EIF3A: variants seen among roughly 807,000 people sequenced by gnomAD.
EIF3A encodes the protein EIF3, p180 subunit.
EIF3A carries 21 observed loss-of-function variants against 186.6 expected under a neutral mutation model. The observed-to-expected ratio is 0.11, with a 90% CI of 0.08 to 0.16. EIF3A has a LOEUF of 0.16. EIF3A is among the 10% of genes least tolerant of loss of function. The pLI is 1.00. For missense variants in EIF3A, 1,306 were observed against 1,796.3 expected, an observed-to-expected ratio of 0.73 and a Z score of 4.93; for synonymous variants, 563 against 584.3, an observed-to-expected ratio of 0.96 and a Z score of 0.52.
chr10:119,073,374 A>G, intron 3 of EIF3A, 67 bp downstream of exon 3: 2 of 1,183,938 alleles, frequency 1.7e-6, no homozygotes, highest in Non-Finnish European at 2.4e-6. Context: ...AAAGGAAATG[A>G]AGACCCATGT....
intron 19 of EIF3A, among the ~76,000 whole-genome samples, chr10:119,041,153 G>GGGAGACAGAGCAAGACTCCAC (rs1214705104): frequency 2.3e-4 from 35 of 152,064 alleles, no homozygotes; most frequent in Non-Finnish European, 4.4e-5. Flanking sequence ...ACTCCAGCCT[G>GGGAGACAGAGCAAGACTCCAC]GGAGACAGAG....
In EIF3A at chr10:119,069,400, A is replaced by G. The variant is rs759730642; in HGVS notation, c.950+46T>C. ...AATATACCATGTCATATAATAGACG[A>G]TATTTGTTACAGAATTTCAACATTA... On this transcript the variant is annotated intron_variant, in intron 6 of 21. Transcript: ENST00000369144. The G allele has an allele frequency of 8.4e-6, 8 of 947,338 alleles. No individual in the cohort carries two copies. The South Asian group carries it at 9.4e-5, about 11-fold the overall frequency. 58.7% of individuals were successfully genotyped at this position (947,338 alleles called of 1,614,324 possible). A position where few individuals can be genotyped will look rare whatever the true frequency, so the allele number is the denominator to read the frequency against.
intron 4 of EIF3A, 21 bp from the exon 5 acceptor site, chr10:119,071,106 T>C: frequency 6.5e-7 from 1 of 1,529,592 alleles, no homozygotes; most frequent in Non-Finnish European, 9.1e-7. Flanking sequence ...AATTGTAAAA[T>C]ATATTAGGTA....
In EIF3A at chr10:119,042,764, C is replaced by A; in HGVS notation, c.2756G>T (p.Arg919Ile). 1 of 1,601,606 alleles carries A rather than the reference C, an allele frequency of 6.2e-7. No homozygotes were observed. The highest frequency in any genetic ancestry group is 1.1e-5 in the South Asian group (1 of 90,686). The change falls in exon 19 of 22, where the codon AGA (arginine) becomes ATA (isoleucine). Residue 919 changes from arginine (R) to isoleucine (I), a missense_variant. Around this residue, in one of 8 missense-constraint regions of EIF3A, gnomAD observed 410 missense variants for 473.5 expected, o/e 0.87. Transcript: ENST00000369144. The surrounding 1 kb of genome is among the most constrained non-coding windows in gnomAD (Gnocchi z 7.8). The part of the protein sequence containing the change: ...WRRGPPEKEW[R>I]RGEGRDEDRS... ...GTCCTCATCTCGCCCTTCTCCACGT[C>A]TCCACTCCCTACACAGCAACAAGAA...
intron 20 of EIF3A, among the ~76,000 whole-genome samples, chr10:119,037,805 C>T (rs113460342): frequency 0.015 from 2,235 of 151,810 alleles, 53 homozygotes; most frequent in African/African-American, 0.051. Context: ...GTAAAAGCAA[C>T]GGACTGACAA....
chr10:119,074,587 C>T (rs1844128808), intron 1 of EIF3A, among the ~76,000 whole-genome samples: 1 of 151,772 alleles, frequency 6.6e-6, no homozygotes, highest in African/African-American at 2.4e-5. Flanking sequence ...CTTTGCAACA[C>T]TCTGGAAATC....
chr10:119,053,735 A>G (rs2119818955), intron 14 of EIF3A, among the ~76,000 whole-genome samples: 1 of 152,178 alleles, frequency 6.6e-6, no homozygotes, highest in Non-Finnish European at 1.5e-5. Flanking sequence ...AAAGTAAGAA[A>G]GTCTGTTGTT....
At chr10:119,073,326 C>A in intron 3 of EIF3A, 115 bp downstream of exon 3, 1 of 857,904 alleles carries the variant, frequency 1.2e-6, no homozygotes, top group South Asian at 1.9e-5. Flanking sequence ...TTTAAAACTT[C>A]AAAGATTTGC....
intron 1 of EIF3A, among the ~76,000 whole-genome samples, chr10:119,075,711 C>CTTTTTTTTT (rs58392465): frequency 2.5e-4 from 16 of 65,296 alleles, no homozygotes; most frequent in South Asian, 7.3e-4. Flanking sequence ...TGGAAAAAGA[C>CTTTTTTTTT]TTTTTTTTTT....
chr10:119,079,813 G>T (rs1844234033), intron 1 of EIF3A, among the ~76,000 whole-genome samples: 3 of 152,186 alleles, frequency 2.0e-5, no homozygotes, highest in Non-Finnish European at 2.9e-5. Flanking sequence ...AGAGACGTTG[G>T]TTTTAAGTCT....
chr10:119,043,259 A>G (rs1038339641), intron 18 of EIF3A, among the ~76,000 whole-genome samples: 2 of 152,178 alleles, frequency 1.3e-5, no homozygotes, highest in African/African-American at 4.8e-5. Flanking sequence ...GGTCTACTAA[A>G]AATGCAAAAA....
chr10:119,067,299 T>C (rs183210658), intron 6 of EIF3A, among the ~76,000 whole-genome samples: 84 of 149,842 alleles, frequency 5.6e-4, no homozygotes, highest in African/African-American at 2.0e-3. Context: ...TAAGAAAATA[T>C]GCTAGTGGCC....
In EIF3A at chr10:119,059,202, A is replaced by G. The variant is rs1229054561; in HGVS notation, c.1629+10T>C. 1.9e-6 allele frequency: 3 copies of G among 1,608,668 alleles called. No individual in the cohort carries two copies. Among genetic ancestry groups the G allele is most frequent in the Non-Finnish European group, 2.5e-6 (3 of 1,177,762 alleles). On this transcript the variant is annotated intron_variant, in intron 11 of 21. Coordinates refer to ENST00000369144, the MANE Select transcript of EIF3A (RefSeq NM_003750.4). ...ACTTCTGGGATTTATTTCCCCGGGAAGATGCATACCAGTATATGAGCTGGT... is the reference window on the plus strand; with the variant it reads ...ACTTCTGGGATTTATTTCCCCGGGAGGATGCATACCAGTATATGAGCTGGT...
At chr10:119,077,403 A>G (rs1041841878) in intron 1 of EIF3A, among the ~76,000 whole-genome samples, 9 of 152,080 alleles carry the variant, frequency 5.9e-5, no homozygotes, top group Non-Finnish European at 1.3e-4. Context: ...GTGGGCCGAG[A>G]TAGTGCCACT....
At chr10:119,041,132 C>T (rs1431596657) in intron 19 of EIF3A, among the ~76,000 whole-genome samples, 1 of 151,606 alleles carries the variant, frequency 6.6e-6, no homozygotes, top group African/African-American at 2.4e-5. Flanking sequence ...GAGCTGAGAT[C>T]ATACCACTGC....
Position 119,042,311 on chromosome 10 carries a change from C to G in EIF3A, c.3209G>C (p.Arg1070Thr), listed in dbSNP as rs1848219783. ...ACCCCGATCATCATCCAACCCTCGC[C>G]TGGGACCCCGGTCATCATCAGCATT... is the stretch of plus-strand genomic sequence containing the variant. ...WRNADDDRGP[R>T]RGLDDDRGPR... Residue 1070 changes from arginine (R) to threonine (T), a missense_variant, in exon 19 of 22, where the codon AGG becomes ACG. Arg to Thr is a moderately conservative substitution (Grantham distance 71, BLOSUM62 -1). Around this residue, in one of 8 missense-constraint regions of EIF3A, gnomAD observed 410 missense variants for 473.5 expected, o/e 0.87. Coordinates refer to ENST00000369144, the MANE Select transcript of EIF3A (RefSeq NM_003750.4). The surrounding 1 kb of genome is among the most constrained non-coding windows in gnomAD (Gnocchi z 7.8). 1 of 1,613,974 alleles carries G rather than the reference C, an allele frequency of 6.2e-7. No homozygotes were observed. The highest frequency in any genetic ancestry group is 8.5e-7 in the Non-Finnish European group (1 of 1,180,036).
Position 119,070,990 on chromosome 10 carries a change from T to C in EIF3A, c.637A>G (p.Asn213Asp). ...MHLSQIQRHH[N>D]QSTAINLNNP... Reference sequence around the variant, plus strand: ...TTAAGATTGATTGCCGTACTTTGGTTATGGTGGCGCTGAATCTGCGATAAG... The same window carrying C: ...TTAAGATTGATTGCCGTACTTTGGTCATGGTGGCGCTGAATCTGCGATAAG... Residue 213 changes from asparagine (N) to aspartate (D), a missense_variant, in exon 5 of 22, where the codon AAC becomes GAC. Coordinates refer to ENST00000369144, the MANE Select transcript of EIF3A (RefSeq NM_003750.4). The C allele has an allele frequency of 6.2e-7, 1 of 1,614,076 alleles. No homozygotes were observed. Among genetic ancestry groups the C allele is most frequent in the African/African-American group, 1.3e-5 (1 of 75,034 alleles).
intron 6 of EIF3A, among the ~76,000 whole-genome samples, chr10:119,065,899 G>T (rs1015356440): frequency 6.7e-6 from 1 of 149,698 alleles, no homozygotes; most frequent in African/African-American, 2.5e-5. Context: ...GGCACATCAC[G>T]ACGTCAAGAG....
At position 119,056,736 on chromosome 10, in the gene EIF3A, T is replaced by G; in HGVS notation, c.2196+4A>C. On this transcript the variant is annotated splice_donor_region_variant and intron_variant, in intron 14 of 21. Transcript: ENST00000369144. Reference sequence around the variant, plus strand: ...AAAATATTACAATTAAATAAAAAACTTACTCTTTCTTCCTCTTGTTGCTCC... The same window carrying G: ...AAAATATTACAATTAAATAAAAAACGTACTCTTTCTTCCTCTTGTTGCTCC... The G allele has an allele frequency of 6.4e-7, 1 of 1,552,070 alleles. No individual in the cohort carries two copies. The highest frequency in any genetic ancestry group is 2.2e-5 in the East Asian group (1 of 44,542).
Sources: gnomAD v4.1 joint callset for allele counts (sites outside exome capture counted in the v4.1 genomes callset) on GRCh38, gnomAD v4.1.1 for gene constraint, gnomAD v4.1.1 regional missense constraint, Gnocchi (gnomAD v3.1) non-coding constraint, MANE v1.5 for transcripts, NCBI Gene and HGNC (gene_info 2026-07-23, HGNC 2026-07-21) for gene names.